Variants in HHLA1 observed in about 807,000 individuals in gnomAD.
The protein encoded by HHLA1 is HHLA1 neighbor of OC90, also known as HERV-H LTR-associating protein 1.
HHLA1 carries 72 observed loss-of-function variants against 69.9 expected under a neutral mutation model. That is an observed-to-expected ratio of 1.03 (90% CI 0.85 to 1.25). The LOEUF (loss-of-function observed/expected upper bound fraction) is 1.25. Among genes scored for constraint, HHLA1 ranks in the 50% most tolerant of loss-of-function variants. The pLI is 0.00. For missense variants in HHLA1, 685 were observed against 642.2 expected, an observed-to-expected ratio of 1.07 and a Z score of -0.72; for synonymous variants, 252 against 233.2, an observed-to-expected ratio of 1.08 and a Z score of -0.73.
intron 8 of HHLA1, 146 bp downstream of exon 8, chr8:132,089,370 C>G (rs762752030): frequency 1.2e-4 from 82 of 670,996 alleles, no homozygotes; most frequent in Admixed American, 4.8e-4. Flanking sequence ...CTGGACCACA[C>G]TGATTATCTA....
In HHLA1 at chr8:132,095,188, G is replaced by A. The variant is rs1298476399; in HGVS notation, c.448+331C>T. Among the ~76,000 whole-genome samples, 11 of 152,218 alleles carry A rather than the reference G, an allele frequency of 7.2e-5. No homozygotes were observed. In the East Asian group the frequency reaches 1.7e-3, roughly 24 times the overall value. On this transcript the variant is annotated intron_variant, in intron 7 of 16. Transcript: ENST00000414222. ...CTCTTGGAAGCTTTTCCATGCACAG[G>A]CCAAATTTGAGCACTCTCACTCATT... is the stretch of plus-strand genomic sequence containing the variant.
chr8:132,086,984 T>C (rs894641756), intron 10 of HHLA1, among the ~76,000 whole-genome samples: 16 of 152,210 alleles, frequency 1.1e-4, no homozygotes, highest in African/African-American at 3.1e-4. Flanking sequence ...GTTCCTTTCA[T>C]TGAGGAGACA....
intron 16 of HHLA1, among the ~76,000 whole-genome samples, chr8:132,065,489 A>T (rs3779977): frequency 6.6e-6 from 1 of 151,962 alleles, no homozygotes; most frequent in African/African-American, 2.4e-5. Flanking sequence ...TCACCATGTT[A>T]GCCAGGATGG....
In HHLA1 at chr8:132,098,977, G is replaced by A. The variant is rs1272180474; in HGVS notation, c.200-15C>T. The A allele has an allele frequency of 1.3e-6, 2 of 1,523,178 alleles. No individual in the cohort carries two copies. The highest frequency in any genetic ancestry group is 2.8e-5 in the African/African-American group (2 of 71,712). The allele number at this position is 1,523,178 out of a possible 1,614,324, so 94.4% of individuals were successfully genotyped here. A position where few individuals can be genotyped will look rare whatever the true frequency, so the allele number is the denominator to read the frequency against. On this transcript the variant is annotated splice_polypyrimidine_tract_variant and intron_variant, in intron 4 of 16. Transcript: ENST00000414222. ...TGCGGGCAGCTCTGAAAGAGATTCA[G>A]AGATAATGTCACTGGCAGGCTTTTC...
At chr8:132,107,805 T>A (rs1162592629) in intron 1 of HHLA1, among the ~76,000 whole-genome samples, 1 of 148,850 alleles carries the variant, frequency 6.7e-6, no homozygotes, top group Non-Finnish European at 1.5e-5. Flanking sequence ...TATCTTAGTG[T>A]ATCTCATGCA....
At chr8:132,101,760 T>A (rs1298239452) in intron 3 of HHLA1, among the ~76,000 whole-genome samples, 1 of 152,024 alleles carries the variant, frequency 6.6e-6, no homozygotes, top group Non-Finnish European at 1.5e-5. Flanking sequence ...TTTTAGTAGA[T>A]CTGGGGTTTC....
intron 1 of HHLA1, among the ~76,000 whole-genome samples, chr8:132,106,438 A>C (rs1824203067): frequency 6.6e-6 from 1 of 152,222 alleles, no homozygotes; most frequent in Admixed American, 6.5e-5. Flanking sequence ...CAGGTCTTAC[A>C]AGGAAGCAAG....
rs1489777740 is a variant in HHLA1, at chr8:132,061,755, C to T, written c.*2240G>A. 6.6e-6 allele frequency: 1 copy of T among 152,194 alleles called. No individual in the cohort carries two copies. Among genetic ancestry groups the T allele is most frequent in the Non-Finnish European group, 1.5e-5 (1 of 68,058 alleles). The allele number at this position is 152,194 out of a possible 1,614,324, so 9.4% of individuals were successfully genotyped here. A position where few individuals can be genotyped will look rare whatever the true frequency, so the allele number is the denominator to read the frequency against. ...GGAGACCAGTTGGACTCCAGGCAGT[C>T]GTCAGCCACTCCTGGGCCCTGTTTT... On this transcript the variant is annotated 3_prime_UTR_variant, in exon 17 of 17. Transcript: ENST00000414222.
At chr8:132,087,987 T>A in intron 8 of HHLA1, 86 bp from the exon 9 acceptor site, 1 of 991,776 alleles carries the variant, frequency 1.0e-6, no homozygotes, top group Non-Finnish European at 1.6e-6. Context: ...AAGTTGAAAG[T>A]ACCTAACTTA....
intron 5 of HHLA1, 129 bp from the exon 6 acceptor site, chr8:132,095,915 C>A: frequency 1.7e-6 from 1 of 575,278 alleles, no homozygotes; most frequent in Non-Finnish European, 3.0e-6. Flanking sequence ...AAGAAACAAA[C>A]AAAAAAGTAA....
intron 11 of HHLA1, among the ~76,000 whole-genome samples, chr8:132,079,311 A>C (rs1401144994): frequency 6.6e-6 from 1 of 152,238 alleles, no homozygotes; most frequent in East Asian, 1.9e-4. Context: ...TCACCGTTTC[A>C]TGTGAATTTC....
At chr8:132,095,377 T>C (rs1046341064) in intron 7 of HHLA1, 142 bp downstream of exon 7, 36 of 509,890 alleles carry the variant, frequency 7.1e-5, no homozygotes, top group Admixed American at 4.8e-4. Flanking sequence ...TGTTTTTCAC[T>C]GGGATAATGA....
intron 10 of HHLA1, among the ~76,000 whole-genome samples, chr8:132,082,854 G>C (rs1469960080): frequency 6.6e-6 from 1 of 152,116 alleles, no homozygotes; most frequent in African/African-American, 2.4e-5. Context: ...TGTAAGGCTT[G>C]TCTGGTTTTA....
rs752934829 is a variant in HHLA1, at chr8:132,076,458, C to T, written c.1240+17G>A. On this transcript the variant is annotated intron_variant, in intron 13 of 16. Transcript: ENST00000414222. ...TCCCCCACCCCCAAACCCCCACTTC[C>T]GTACTGAGTTTCTCACCTGTTTGTG... The T allele has an allele frequency of 2.5e-5, 34 of 1,342,340 alleles. No homozygotes were observed. Among genetic ancestry groups the T allele is most frequent in the Middle Eastern group, 3.8e-4 (2 of 5,328 alleles). The allele number at this position is 1,342,340 out of a possible 1,614,324, so 83.2% of individuals were successfully genotyped here.
At chr8:132,091,238 T>G (rs1192738286) in intron 7 of HHLA1, among the ~76,000 whole-genome samples, 13 of 152,168 alleles carry the variant, frequency 8.5e-5, no homozygotes, top group Admixed American at 8.5e-4. Flanking sequence ...CTGAGGTTAG[T>G]GGTGAAGCAA....
At chr8:132,104,214 TAC>T in intron 2 of HHLA1, 47 bp from the exon 3 acceptor site, 1 of 1,329,490 alleles carries the variant, frequency 7.5e-7, no homozygotes. Context: ...CAAGACATAA[TAC>T]CGGAGATAAT....
chr8:132,071,412 A>G lies in HHLA1; in HGVS notation c.1397T>C (p.Leu466Pro). ...CTGGAAGAATTGGCACAGCTCCATC[A>G]GGCATGGGTTGAGCCTCTGAATAGC... ...TLAIQRLNPC[L>P]MELCQFFQQC... The change falls in exon 15 of 17, where the codon CTG becomes CCG. Residue 466 changes from leucine (L) to proline (P), a missense_variant. Transcript: ENST00000414222. 1 of 1,551,676 alleles carries G rather than the reference A, an allele frequency of 6.4e-7. No individual in the cohort carries two copies. Among genetic ancestry groups the G allele is most frequent in the Non-Finnish European group, 8.7e-7 (1 of 1,146,942 alleles).
chr8:132,105,705 T>C (rs1253942490), intron 1 of HHLA1, among the ~76,000 whole-genome samples: 5 of 152,200 alleles, frequency 3.3e-5, no homozygotes, highest in Non-Finnish European at 7.3e-5. Context: ...TTGCAGCCCA[T>C]ACCAAAATTA....
At chr8:132,097,531 C>T (rs1001865849) in intron 5 of HHLA1, among the ~76,000 whole-genome samples, 1 of 152,156 alleles carries the variant, frequency 6.6e-6, no homozygotes, top group African/African-American at 2.4e-5. Context: ...TTGAGCTCCT[C>T]GAAGTTATGA....
Sources: gnomAD v4.1 joint callset for allele counts (sites outside exome capture counted in the v4.1 genomes callset) on GRCh38, gnomAD v4.1.1 for gene constraint, MANE v1.5 for transcripts, NCBI Gene and HGNC (gene_info 2026-07-23, HGNC 2026-07-21) for gene names.